Variants in FHIP1A observed in about 807,000 individuals in gnomAD.
The protein encoded by FHIP1A is FHF complex subunit HOOK interacting protein 1A, also known as FHF complex subunit HOOK-interacting protein 1A.
FHIP1A carries 61 observed loss-of-function variants against 88.6 expected under a neutral mutation model. The observed-to-expected ratio is 0.69, with a 90% CI of 0.56 to 0.85. The LOEUF (loss-of-function observed/expected upper bound fraction) is 0.85, where lower values mean the gene tolerates loss of function less well. FHIP1A is among the 40% of genes least tolerant of loss of function. The pLI is 0.00. For synonymous variants in FHIP1A, 478 were observed against 496.0 expected (o/e 0.96, Z 0.48); for missense variants, 1,154 against 1,273.5 (o/e 0.91, Z 1.43).
chr4:151,548,708 G>A (rs924261629), intron 3 of FHIP1A, among the ~76,000 whole-genome samples: 6 of 152,090 alleles, frequency 3.9e-5, no homozygotes, highest in Non-Finnish European at 8.8e-5. Context: ...GATCACCTGA[G>A]GTCAGGAGTT....
At chr4:151,611,882 T>C (rs1009333233) in intron 7 of FHIP1A, among the ~76,000 whole-genome samples, 2 of 152,222 alleles carry the variant, frequency 1.3e-5, no homozygotes, top group African/African-American at 4.8e-5. Flanking sequence ...AACATCTCAG[T>C]TTTAAAAACT....
rs2126941088 is a variant in FHIP1A, at chr4:151,666,567, C to A, written c.*3813C>A. Among the ~76,000 whole-genome samples, 1 of 152,332 alleles carries A rather than the reference C, an allele frequency of 6.6e-6. No homozygotes were observed. On this transcript the variant is annotated 3_prime_UTR_variant, in exon 14 of 14. Coordinates refer to ENST00000435205, the MANE Select transcript of FHIP1A (RefSeq NM_001109977.3). Reference sequence around the variant, plus strand: ...TCCTCTTATGAACAGAATCTAGAAACAGGCTACATGAATATTGGGGTTGCC... The same window carrying A: ...TCCTCTTATGAACAGAATCTAGAAAAAGGCTACATGAATATTGGGGTTGCC...
In FHIP1A at chr4:151,597,219, G is replaced by A. The variant is rs185767753; in HGVS notation, c.978+8293G>A. 1.4e-4 allele frequency among the ~76,000 whole-genome samples: 21 copies of A among 152,176 alleles called. No homozygotes were observed. The East Asian group carries it at 2.5e-3, about 18-fold the overall frequency. ...CTTCGGATGGGGTTTTTGAGTGGAC[G>A]TCCTTTTTGTTGATGTTGATGCCAT... is the stretch of plus-strand genomic sequence containing the variant. On this transcript the variant is annotated intron_variant, in intron 7 of 13. Transcript: ENST00000435205.
intron 1 of FHIP1A, among the ~76,000 whole-genome samples, chr4:151,446,326 T>C (rs1020740180): frequency 6.6e-6 from 1 of 152,190 alleles, no homozygotes; most frequent in Non-Finnish European, 1.5e-5. Context: ...CCTTTCATGC[T>C]TTCTCTTCTA....
chr4:151,570,956 G>A (rs1486535463), intron 4 of FHIP1A, among the ~76,000 whole-genome samples: 1 of 152,162 alleles, frequency 6.6e-6, no homozygotes, highest in Admixed American at 6.6e-5. Flanking sequence ...TTATTCTCTA[G>A]TAGACTGTTG....
chr4:151,479,577 T>A (rs1729825009), intron 2 of FHIP1A, among the ~76,000 whole-genome samples: 1 of 152,082 alleles, frequency 6.6e-6, no homozygotes, highest in Admixed American at 6.6e-5. Flanking sequence ...TCTCTCTTCG[T>A]TGGTTGGTTG....
intron 3 of FHIP1A, among the ~76,000 whole-genome samples, chr4:151,519,749 G>T (rs763454233): frequency 4.6e-5 from 7 of 152,026 alleles, no homozygotes; most frequent in Admixed American, 6.6e-5. Flanking sequence ...TTTCAAAGTG[G>T]TTTTTTTATT....
chr4:151,668,921 T>C lies in FHIP1A; in HGVS notation c.*6167T>C, dbSNP rs915749535. Among the ~76,000 whole-genome samples the C allele has an allele frequency of 1.3e-5, 2 of 151,968 alleles. No homozygotes were observed. The highest frequency in any genetic ancestry group is 2.9e-5 in the Non-Finnish European group (2 of 68,002). On this transcript the variant is annotated 3_prime_UTR_variant, in exon 14 of 14. Coordinates refer to ENST00000435205, the MANE Select transcript of FHIP1A (RefSeq NM_001109977.3). ...TAACTTCTAGTCAGAGCCTCAGCAT[T>C]ATACACCCAGCCTACAGGTGTGTGG...
intron 3 of FHIP1A, among the ~76,000 whole-genome samples, chr4:151,509,731 A>C (rs1414973471): frequency 6.6e-6 from 1 of 151,312 alleles, no homozygotes; most frequent in African/African-American, 2.4e-5. Context: ...GAGCTGCTCA[A>C]AGTACGTTAA....
chr4:151,587,086 C>T (rs964415805), intron 6 of FHIP1A, among the ~76,000 whole-genome samples: 2 of 137,494 alleles, frequency 1.5e-5, no homozygotes, highest in African/African-American at 5.4e-5. Flanking sequence ...ATGCCTGACT[C>T]ATTAAATAGA....
intron 5 of FHIP1A, among the ~76,000 whole-genome samples, chr4:151,584,415 T>C (rs565535326): frequency 7.2e-5 from 11 of 152,244 alleles, no homozygotes; most frequent in Admixed American, 7.2e-4. Flanking sequence ...AAGGCAACAA[T>C]AGGTCTACAG....
chr4:151,543,624 G>A (rs932257521), intron 3 of FHIP1A, among the ~76,000 whole-genome samples: 12 of 152,022 alleles, frequency 7.9e-5, no homozygotes, highest in East Asian at 1.9e-4. Context: ...GGCATTATAC[G>A]TACACACATT....
intron 1 of FHIP1A, among the ~76,000 whole-genome samples, chr4:151,422,172 GAA>G (rs1030218504): frequency 6.8e-6 from 1 of 146,948 alleles, no homozygotes; most frequent in African/African-American, 2.5e-5. Flanking sequence ...AAATGGGAAA[GAA>G]AAAAAAAGAA....
chr4:151,449,522 C>T (rs1027859582), intron 1 of FHIP1A, among the ~76,000 whole-genome samples: 1 of 152,056 alleles, frequency 6.6e-6, no homozygotes, highest in Admixed American at 6.6e-5. Flanking sequence ...TTTATCATTT[C>T]TTTGTGGTGA....
At chr4:151,611,697 A>G (rs538937414) in intron 7 of FHIP1A, among the ~76,000 whole-genome samples, 51 of 152,340 alleles carry the variant, frequency 3.3e-4, no homozygotes, top group African/African-American at 1.2e-3. Flanking sequence ...TTTGTCTGAA[A>G]TTAGAATCCA....
intron 3 of FHIP1A, among the ~76,000 whole-genome samples, chr4:151,554,206 G>C (rs1732857786): frequency 6.6e-6 from 1 of 152,132 alleles, no homozygotes; most frequent in Admixed American, 6.6e-5. Context: ...ATTTAGTGTG[G>C]TGCCTGGCAC....
At chr4:151,632,292 G>GTA (rs145961146) in intron 8 of FHIP1A, among the ~76,000 whole-genome samples, 98 of 150,594 alleles carry the variant, frequency 6.5e-4, no homozygotes, top group East Asian at 2.1e-3. Context: ...ATATATATGT[G>GTA]TATATATATA....
At position 151,600,228 on chromosome 4, in the gene FHIP1A, C is replaced by A. The variant is rs537761590; in HGVS notation, c.978+11302C>A. Among the ~76,000 whole-genome samples the A allele has an allele frequency of 2.2e-3, 328 of 152,302 alleles. 1 individual carries two copies. The highest frequency in any genetic ancestry group is 6.7e-3 in the African/African-American group (279 of 41,562). On this transcript the variant is annotated intron_variant, in intron 7 of 13. Coordinates refer to ENST00000435205, the MANE Select transcript of FHIP1A (RefSeq NM_001109977.3). ...CAAGGTGATGTCAGGGAGAAGAGAACCTTGTGAATGGCCCACTGGCTCTTG... is the reference window on the plus strand; with the variant it reads ...CAAGGTGATGTCAGGGAGAAGAGAAACTTGTGAATGGCCCACTGGCTCTTG...
At chr4:151,491,502 C>T (rs188642506) in intron 3 of FHIP1A, among the ~76,000 whole-genome samples, 28 of 151,954 alleles carry the variant, frequency 1.8e-4, no homozygotes, top group East Asian at 1.7e-3. Context: ...TAAATCTTGA[C>T]GCAAAACCTC....
Sources: allele counts gnomAD v4.1 joint callset (sites outside exome capture counted in the v4.1 genomes callset), GRCh38; gene constraint gnomAD v4.1.1; transcripts MANE v1.5; gene names NCBI Gene and HGNC (gene_info 2026-07-23, HGNC 2026-07-21).